RELN: variants seen among roughly 807,000 people sequenced by gnomAD.
The protein encoded by RELN is reelin.
RELN carries 108 observed loss-of-function variants against 427.6 expected under a neutral mutation model. The observed-to-expected ratio is 0.25, with a 90% CI of 0.22 to 0.30. The LOEUF (loss-of-function observed/expected upper bound fraction) is 0.30. Among genes scored for constraint, RELN ranks in the 10% least tolerant of loss-of-function variants. The pLI is 1.00. For synonymous variants in RELN, 1,524 were observed against 1,513.4 expected (o/e 1.01, Z -0.16); for missense variants, 3,715 against 4,302.8 (o/e 0.86, Z 3.82).
intron 1 of RELN, among the ~76,000 whole-genome samples, chr7:103,974,410 G>C (rs1796829322): frequency 6.6e-6 from 1 of 152,116 alleles, no homozygotes. Flanking sequence ...ACAAATCCCT[G>C]AGAGTTAAGC....
At chr7:103,738,170 G>A (rs918139733) in intron 6 of RELN, among the ~76,000 whole-genome samples, 1 of 150,604 alleles carries the variant, frequency 6.6e-6, no homozygotes, top group Non-Finnish European at 1.5e-5. Flanking sequence ...TAGAACATCA[G>A]AGCCTGGTGA....
chr7:103,895,306 A>G (rs933671540), intron 2 of RELN, among the ~76,000 whole-genome samples: 1 of 152,086 alleles, frequency 6.6e-6, no homozygotes, highest in Non-Finnish European at 1.5e-5. Context: ...GGAAAAAAAA[A>G]AGTGGTAGTT....
intron 28 of RELN, among the ~76,000 whole-genome samples, chr7:103,583,582 A>C (rs1831202787): frequency 6.6e-6 from 1 of 152,236 alleles, no homozygotes; most frequent in South Asian, 2.1e-4. Context: ...CTGACCAGAG[A>C]TATCAGACAC....
chr7:103,590,453 C>G (rs895317128), intron 27 of RELN, among the ~76,000 whole-genome samples: 1 of 151,768 alleles, frequency 6.6e-6, no homozygotes, highest in African/African-American at 2.4e-5. Context: ...CCCAGCTACT[C>G]GGGAGGCTGA....
rs367697247 is a variant in RELN at position 103,513,639 on chromosome 7, G to A, written c.8119+1546C>T. On this transcript the variant is annotated intron_variant, in intron 50 of 64. Coordinates refer to ENST00000428762, the MANE Select transcript of RELN (RefSeq NM_005045.4). The stretch of plus-strand genomic sequence containing the variant: ...AAGTAAATATTTGCTGTTACGTTAT[G>A]CCACATGATATACTAATAAATGAAT... 21 of 152,048 alleles carry A rather than the reference G, an allele frequency of 1.4e-4. No individual in the cohort carries two copies. The East Asian group carries it at 2.1e-3, about 15-fold the overall frequency. The allele number at this position is 152,048 out of a possible 1,614,324, so 9.4% of individuals were successfully genotyped here. A position where few individuals can be genotyped will look rare whatever the true frequency, so the allele number is the denominator to read the frequency against.
chr7:103,722,810 T>A (rs17154750), intron 8 of RELN, among the ~76,000 whole-genome samples: 3,363 of 152,272 alleles, frequency 0.022, 135 homozygotes, highest in African/African-American at 0.076. Context: ...CATATTTCAA[T>A]CTTAATCTGA....
intron 31 of RELN, among the ~76,000 whole-genome samples, chr7:103,567,318 A>G (rs547247500): frequency 6.6e-6 from 1 of 152,294 alleles, no homozygotes; most frequent in African/African-American, 2.4e-5. Flanking sequence ...ACGCTTCTCC[A>G]ACATTAGTCT....
intron 9 of RELN, among the ~76,000 whole-genome samples, chr7:103,699,381 A>C (rs548179501): frequency 3.3e-5 from 5 of 151,434 alleles, no homozygotes; most frequent in Non-Finnish European, 4.4e-5. Context: ...TTTTAGCTTC[A>C]AAAAGAATTG....
chr7:103,744,109 T>C (rs537021377), intron 6 of RELN, among the ~76,000 whole-genome samples: 57 of 152,190 alleles, frequency 3.7e-4, no homozygotes, highest in Middle Eastern at 3.4e-3. Flanking sequence ...ATTAAGAAAC[T>C]CACTCAAAAC....
intron 20 of RELN, among the ~76,000 whole-genome samples, chr7:103,622,920 C>G (rs1395757339): frequency 6.6e-6 from 1 of 152,184 alleles, no homozygotes; most frequent in African/African-American, 2.4e-5. Flanking sequence ...ACTTTTAGTA[C>G]AAATAGTGCT....
chr7:103,939,704 T>C (rs1796068333), intron 1 of RELN, among the ~76,000 whole-genome samples: 1 of 152,216 alleles, frequency 6.6e-6, no homozygotes, highest in Non-Finnish European at 1.5e-5. Flanking sequence ...CACAATGCTA[T>C]TTACAGTAAT....
At chr7:103,935,482 C>G (rs1261815273) in intron 1 of RELN, among the ~76,000 whole-genome samples, 1 of 151,888 alleles carries the variant, frequency 6.6e-6, no homozygotes, top group Non-Finnish European at 1.5e-5. Context: ...TGGCTGATAC[C>G]TCCCCAACCC....
chr7:103,756,928 G>A (rs1477538318), intron 4 of RELN, among the ~76,000 whole-genome samples: 1 of 152,026 alleles, frequency 6.6e-6, no homozygotes, highest in Non-Finnish European at 1.5e-5. Flanking sequence ...TAAAGTACCG[G>A]GCCTAGAAGC....
At chr7:103,670,803 G>A (rs1193086468) in intron 11 of RELN, among the ~76,000 whole-genome samples, 1 of 151,856 alleles carries the variant, frequency 6.6e-6, no homozygotes, top group East Asian at 1.9e-4. Context: ...TAATATCTTA[G>A]CCAGATCCTT....
At chr7:103,800,722 T>A (rs1563021291) in intron 3 of RELN, among the ~76,000 whole-genome samples, 1 of 152,022 alleles carries the variant, frequency 6.6e-6, no homozygotes. Context: ...AAGCCAAAAT[T>A]GACAAATGGG....
intron 3 of RELN, among the ~76,000 whole-genome samples, chr7:103,781,861 G>T (rs1791898883): frequency 6.6e-6 from 1 of 151,902 alleles, no homozygotes; most frequent in Non-Finnish European, 1.5e-5. Context: ...CTGTCTCTCG[G>T]GGGGAAGGTC....
intron 38 of RELN, among the ~76,000 whole-genome samples, chr7:103,556,773 C>T (rs1051469360): frequency 6.6e-6 from 1 of 152,194 alleles, no homozygotes; most frequent in African/African-American, 2.4e-5. Flanking sequence ...TCCGATTAAA[C>T]CTCTTTTTCT....
chr7:103,585,281 A>G (rs1831244258), intron 28 of RELN, among the ~76,000 whole-genome samples: 1 of 152,170 alleles, frequency 6.6e-6, no homozygotes, highest in Non-Finnish European at 1.5e-5. Context: ...TGCCTCTTTG[A>G]AAAGATAACA....
chr7:103,818,680 A>G (rs1489678616), intron 3 of RELN, among the ~76,000 whole-genome samples: 1 of 152,182 alleles, frequency 6.6e-6, no homozygotes, highest in Non-Finnish European at 1.5e-5. Flanking sequence ...GAGTATTGGA[A>G]ACAAGCAAAA....
Sources: gnomAD v4.1 joint callset for allele counts (sites outside exome capture counted in the v4.1 genomes callset) on GRCh38, gnomAD v4.1.1 for gene constraint, MANE v1.5 for transcripts, NCBI Gene and HGNC (gene_info 2026-07-23, HGNC 2026-07-21) for gene names.